The following PIEZO1 variants were observed in gnomAD, a reference collection of about 807,000 sequenced individuals.
PIEZO1 encodes the protein piezo-type mechanosensitive ion channel component 1.
In PIEZO1, 296 loss-of-function variants were observed where a neutral mutation model predicts 297.2. That is an observed-to-expected ratio of 1.00 (90% confidence interval 0.91 to 1.10). The LOEUF is 1.10. PIEZO1 is among the 50% of genes least tolerant of loss of function. PIEZO1 has a pLI of 0.00. For synonymous variants in PIEZO1, 2,427 were observed against 1,507.5 expected (o/e 1.61, Z -14.13); for missense variants, 5,018 against 3,455.5 (o/e 1.45, Z -11.34).
Position 88,737,572 on chromosome 16 carries a change from G to T in PIEZO1, c.1182C>A (p.Val394=). 1.3e-6 allele frequency: 2 copies of T among 1,533,586 alleles called. No homozygotes were observed. The highest frequency in any genetic ancestry group is 2.0e-5 in the Admixed American group (1 of 50,992). The allele number at this position is 1,533,586 out of a possible 1,614,324, so 95.0% of individuals were successfully genotyped here. The change falls in exon 10 of 51, where the codon GTC becomes GTA. Residue 394 remains valine (V), a synonymous_variant. Transcript: ENST00000301015. The part of the protein sequence containing the change: ...IVHELTGQSS[V]LRRPVRPKRA... ...TGCGGTACTCACCAGGCCGCCGCAG[G>T]ACGGAGCTCTGGCCGGTCAGCTCGT...
At chr16:88,725,757 G>T (rs969633922) in intron 27 of PIEZO1, 73 bp from the exon 28 acceptor site, 3 of 804,686 alleles carry the variant, frequency 3.7e-6, no homozygotes, top group African/African-American at 3.4e-5. Flanking sequence ...GCCGCTCCCC[G>T]CTCAGCCCGG....
chr16:88,735,269 C>G (rs1204384740), intron 12 of PIEZO1, 23 bp from the exon 13 acceptor site: 6 of 1,515,014 alleles, frequency 4.0e-6, no homozygotes, highest in Admixed American at 3.9e-5. Context: ...CAGGGTGTCA[C>G]AGTCAGCCGG....
rs1489358650 is a variant in PIEZO1 at position 88,723,031 on chromosome 16, C to T, written c.4496-22G>A. The T allele has an allele frequency of 2.7e-5, 41 of 1,542,976 alleles. 1 individual carries two copies. The highest frequency in any genetic ancestry group is 2.2e-4 in the Admixed American group (11 of 50,894). On this transcript the variant is annotated intron_variant, in intron 33 of 50. Transcript: ENST00000301015. ...CGGCCTGCGGGAGGGCGGGAGGGGGCGCTGGAGGGGCAGCCTGTGGGGCCA... is the reference window on the plus strand; with the variant it reads ...CGGCCTGCGGGAGGGCGGGAGGGGGTGCTGGAGGGGCAGCCTGTGGGGCCA...
intron 1 of PIEZO1, among the ~76,000 whole-genome samples, chr16:88,758,727 G>C (rs910619248): frequency 4.6e-5 from 7 of 152,226 alleles, no homozygotes; most frequent in African/African-American, 1.7e-4. Context: ...CACAACTGCT[G>C]AGATGACCAC....
intron 1 of PIEZO1, among the ~76,000 whole-genome samples, chr16:88,765,049 C>T (rs1907109387): frequency 1.3e-5 from 2 of 152,236 alleles, no homozygotes; most frequent in Non-Finnish European, 2.9e-5. Flanking sequence ...CGGTGCTGGA[C>T]CCAGGACAGA....
chr16:88,736,946 T>A, intron 10 of PIEZO1: 2 of 461,754 alleles, frequency 4.3e-6, no homozygotes, highest in Admixed American at 4.0e-5. Context: ...TGCCGTTCTC[T>A]GGGCCTCACT....
At chr16:88,720,020 C>T in intron 42 of PIEZO1, 49 bp downstream of exon 42, 1 of 1,549,198 alleles carries the variant, frequency 6.5e-7, no homozygotes, top group Non-Finnish European at 8.7e-7. Context: ...GGCCCCCAGC[C>T]TGCACTGCCC....
At chr16:88,725,343 G>C (rs1904345407) in intron 29 of PIEZO1, 73 bp downstream of exon 29, 9 of 953,304 alleles carry the variant, frequency 9.4e-6, no homozygotes, top group Admixed American at 6.0e-5. Context: ...CATGGGCACA[G>C]ACGCAGCACA....
chr16:88,751,202 G>A (rs776886770), intron 1 of PIEZO1, among the ~76,000 whole-genome samples: 4 of 152,172 alleles, frequency 2.6e-5, no homozygotes, highest in African/African-American at 7.2e-5. Flanking sequence ...CACGGAAAAC[G>A]CAGGGCAAGT....
chr16:88,765,673 T>TC (rs1369287498), intron 1 of PIEZO1, among the ~76,000 whole-genome samples: 1 of 150,234 alleles, frequency 6.7e-6, no homozygotes, highest in Non-Finnish European at 1.5e-5. Flanking sequence ...CTCTAATTTT[T>TC]TTTTTTTTTT....
At position 88,725,005 on chromosome 16, in the gene PIEZO1, G is replaced by A. The variant is rs1194975375; in HGVS notation, c.4234+4C>T. 17 of 1,470,188 alleles carry A rather than the reference G, an allele frequency of 1.2e-5. No individual in the cohort carries two copies. In the Admixed American group the frequency reaches 3.3e-4, roughly 29 times the overall value. The allele number at this position is 1,470,188 out of a possible 1,614,324, so 91.1% of individuals were successfully genotyped here. A position where few individuals can be genotyped will look rare whatever the true frequency, so the allele number is the denominator to read the frequency against. On this transcript the variant is annotated splice_donor_region_variant and intron_variant, in intron 30 of 50. Coordinates refer to ENST00000301015, the MANE Select transcript of PIEZO1 (RefSeq NM_001142864.4). ...GTGGCCACAGGCGGCCTAATTGGGG[G>A]TACCTGTGGCGTGGTCCAGCCAGGG...
At chr16:88,779,242 T>G (rs557596820) in intron 1 of PIEZO1, among the ~76,000 whole-genome samples, 1 of 152,236 alleles carries the variant, frequency 6.6e-6, no homozygotes, top group South Asian at 2.1e-4. Context: ...TTTTGCCATG[T>G]TGGTCAGGCT....
chr16:88,753,969 T>C (rs571281662), intron 1 of PIEZO1, among the ~76,000 whole-genome samples: 1 of 152,350 alleles, frequency 6.6e-6, no homozygotes, highest in Non-Finnish European at 1.5e-5. Context: ...TGCCCTGCCC[T>C]GTGGCTCCCA....
intron 22 of PIEZO1, chr16:88,731,430 ACT>A (rs1904799749): frequency 6.3e-6 from 3 of 475,118 alleles, no homozygotes; most frequent in Non-Finnish European, 1.1e-5. Flanking sequence ...TCCTTGTGTG[ACT>A]CACAACTTTC....
At chr16:88,748,925 T>G (rs1597471236) in intron 2 of PIEZO1, among the ~76,000 whole-genome samples, 1 of 99,552 alleles carries the variant, frequency 1.0e-5, no homozygotes. Flanking sequence ...AGAGCGAGAC[T>G]CGGTCTCAAA....
At chr16:88,757,547 CA>C (rs11327389) in intron 1 of PIEZO1, among the ~76,000 whole-genome samples, 149,587 of 151,966 alleles carry the variant, frequency 0.98, 73,632 homozygotes, top group East Asian at 1. Context: ...GAAGTGGAGC[CA>C]ATGGGCTGGA....
At chr16:88,776,651 G>C (rs534528185) in intron 1 of PIEZO1, among the ~76,000 whole-genome samples, 5 of 152,322 alleles carry the variant, frequency 3.3e-5, no homozygotes, top group Non-Finnish European at 5.9e-5. Flanking sequence ...ACACAGGAGG[G>C]AACTGGGGGG....
rs1265840794 is a variant in PIEZO1 at position 88,726,699 on chromosome 16, G to T, written c.3699+16C>A. The stretch of plus-strand genomic sequence containing the variant: ...GGGGCCCCAGGGCGGTGGGTGCGGG[G>T]GGGCCGGAGGCTCACCGACAGCATG... On this transcript the variant is annotated intron_variant, in intron 25 of 50. Coordinates refer to ENST00000301015, the MANE Select transcript of PIEZO1 (RefSeq NM_001142864.4). 1.3e-6 allele frequency: 2 copies of T among 1,548,166 alleles called. No individual in the cohort carries two copies. Among genetic ancestry groups the T allele is most frequent in the Non-Finnish European group, 1.7e-6 (2 of 1,145,416 alleles).
chr16:88,736,672 G>T lies in PIEZO1; in HGVS notation c.1263C>A (p.Asp421Glu). 2 of 1,533,208 alleles carry T rather than the reference G, an allele frequency of 1.3e-6. No individual in the cohort carries two copies. The highest frequency in any genetic ancestry group is 1.7e-6 in the Non-Finnish European group (2 of 1,145,990). The allele number at this position is 1,533,208 out of a possible 1,614,324, so 95.0% of individuals were successfully genotyped here. A position where few individuals can be genotyped will look rare whatever the true frequency, so the allele number is the denominator to read the frequency against. The change falls in exon 11 of 51, where the codon GAC (aspartate) becomes GAA (glutamate). Residue 421 changes from aspartate to glutamate, a missense_variant. Transcript: ENST00000301015. ...CAATGAGCGCGCACACATAGCTCTG[G>T]TCCATGATGAGGTGGCCCAGGCTGT... ...PLHSLGHLIM[D>E]QSYVCALIAM... is the part of the protein sequence containing the mutation.
Sources: allele counts gnomAD v4.1 joint callset (sites outside exome capture counted in the v4.1 genomes callset), GRCh38; gene constraint gnomAD v4.1.1; transcripts MANE v1.5; gene names NCBI Gene and HGNC (gene_info 2026-07-23, HGNC 2026-07-21).